Variants in MYH11 observed in about 807,000 individuals in gnomAD.
MYH11 encodes myosin-11.
In MYH11, 80 loss-of-function variants were observed where a neutral mutation model predicts 246.6. The observed-to-expected ratio is 0.32, with a 90% CI of 0.27 to 0.39. The LOEUF is 0.39. Among genes scored for constraint, MYH11 ranks in the 10% least tolerant of loss-of-function variants. The pLI, the probability that MYH11 is intolerant of heterozygous loss-of-function variation, is 1.00. For missense variants in MYH11, 2,158 were observed against 2,546.8 expected (o/e 0.85, Z 3.29); for synonymous variants, 1,071 against 1,015.5 (o/e 1.05, Z -1.04).
At chr16:15,784,017 T>C (rs181292607) in intron 5 of MYH11, among the ~76,000 whole-genome samples, 3 of 151,982 alleles carry the variant, frequency 2.0e-5, no homozygotes, top group Non-Finnish European at 2.9e-5. Context: ...CCAAGCTCTG[T>C]GTTAGAGATG....
intron 3 of MYH11, among the ~76,000 whole-genome samples, chr16:15,821,952 C>A (rs758816632): frequency 6.6e-6 from 1 of 151,966 alleles, no homozygotes; most frequent in African/African-American, 2.4e-5. Context: ...AGATACCTGA[C>A]TCCAGGAGCC....
At chr16:15,742,742 T>A (rs1445612989) in intron 20 of MYH11, among the ~76,000 whole-genome samples, 1 of 151,388 alleles carries the variant, frequency 6.6e-6, no homozygotes, top group Non-Finnish European at 1.5e-5. Flanking sequence ...ACAAATAAAA[T>A]TTTTTTAAAA....
rs539649775 is a variant in MYH11, at chr16:15,811,132, C to A, written c.502+12123G>T. 3.1e-4 allele frequency among the ~76,000 whole-genome samples: 47 copies of A among 152,238 alleles called. No individual in the cohort carries two copies. In the South Asian group the frequency reaches 9.5e-3, roughly 31 times the overall value. On this transcript the variant is annotated intron_variant, in intron 3 of 40. Transcript: ENST00000300036. The stretch of plus-strand genomic sequence containing the variant: ...CAGAGAGCTAGCAGGTCCCTTCCAC[C>A]ATGTGAGACACAGCGAGAAGGCAGC...
intron 27 of MYH11, among the ~76,000 whole-genome samples, chr16:15,729,155 G>C (rs2040885192): frequency 6.6e-6 from 1 of 151,886 alleles, no homozygotes; most frequent in South Asian, 2.1e-4. Context: ...GTGAAGCGGG[G>C]ACCCTAGGGG....
intron 3 of MYH11, among the ~76,000 whole-genome samples, chr16:15,821,554 T>C (rs1382499852): frequency 6.6e-6 from 1 of 152,148 alleles, no homozygotes; most frequent in African/African-American, 2.4e-5. Flanking sequence ...TCCTTCTCCT[T>C]TGCTAACAGA....
intron 7 of MYH11, among the ~76,000 whole-genome samples, chr16:15,776,879 G>T (rs72772049): frequency 0.044 from 6,704 of 152,230 alleles, 208 homozygotes; most frequent in Middle Eastern, 0.085. Context: ...CACAGGGTCC[G>T]GGGTGATGGG....
At chr16:15,727,098 C>A in intron 27 of MYH11, 44 bp from the exon 28 acceptor site, 1 of 1,593,792 alleles carries the variant, frequency 6.3e-7, no homozygotes. Context: ...GAGGCTGTGG[C>A]CGGGAGAACG....
rs1376881641 is a variant in MYH11, at chr16:15,724,350, C to T, written c.4176G>A (p.Glu1392=). The T allele has an allele frequency of 3.7e-6, 6 of 1,614,038 alleles. No individual in the cohort carries two copies. The highest frequency in any genetic ancestry group is 5.1e-6 in the Non-Finnish European group (6 of 1,180,030). ...TCTCCTTCTGGAACCTCTTCTTCCC[C>T]TCTTCCAGAGCTTCCACGGTGCTGG... ...DFASTVEALE[E]GKKRFQKEIE... is the part of the protein sequence containing the mutation. Residue 1392 remains glutamate, a synonymous_variant, in exon 31 of 41, where the codon GAG becomes GAA. Coordinates refer to ENST00000300036, the MANE Select transcript of MYH11 (RefSeq NM_002474.3).
intron 3 of MYH11, among the ~76,000 whole-genome samples, chr16:15,800,842 C>T (rs1320854555): frequency 6.6e-6 from 1 of 152,008 alleles, no homozygotes. Context: ...ACGAAATCCT[C>T]AAGACAAAAG....
chr16:15,852,378 G>A (rs919269187), intron 1 of MYH11, among the ~76,000 whole-genome samples: 1 of 141,012 alleles, frequency 7.1e-6, no homozygotes, highest in African/African-American at 2.7e-5. Flanking sequence ...CTTTGCCCAG[G>A]CTGGAGTGCA....
At position 15,703,514 on chromosome 16, in the gene MYH11, T is replaced by C. The variant is rs2039295141; in HGVS notation, c.*477A>G. On this transcript the variant is annotated 3_prime_UTR_variant, in exon 41 of 41. Transcript: ENST00000300036. ...TTGATAGAACTGGAGGATGTGTCTG[T>C]GTTTCCTGTTGGGTTTTTCTCATCT... 3.4e-6 allele frequency: 1 copy of C among 291,974 alleles called. No homozygotes were observed. The highest frequency in any genetic ancestry group is 4.9e-5 in the East Asian group (1 of 20,410). 18.1% of individuals were successfully genotyped at this position (291,974 alleles called of 1,614,324 possible).
At chr16:15,829,899 C>T (rs569345044) in intron 2 of MYH11, among the ~76,000 whole-genome samples, 2 of 152,274 alleles carry the variant, frequency 1.3e-5, no homozygotes, top group Admixed American at 6.5e-5. Flanking sequence ...CTTTGGGAGG[C>T]CAAGGTGGGT....
At chr16:15,763,741 T>TGGGCCCCC in intron 10 of MYH11, 55 bp downstream of exon 10, 4 of 646,838 alleles carry the variant, frequency 6.2e-6, no homozygotes, top group East Asian at 3.2e-5. Context: ...AAATGTCACC[T>TGGGCCCCC]CCCCCACCCC....
chr16:15,738,065 C>T (rs563783275), intron 24 of MYH11, among the ~76,000 whole-genome samples: 4 of 151,950 alleles, frequency 2.6e-5, no homozygotes, highest in South Asian at 4.2e-4. Flanking sequence ...GGATTACAGG[C>T]GAGAGCCACC....
chr16:15,719,532 G>T, intron 35 of MYH11, 53 bp downstream of exon 35: 1 of 1,611,780 alleles, frequency 6.2e-7, no homozygotes, highest in Non-Finnish European at 8.5e-7. Flanking sequence ...GCTGCCAAGG[G>T]GTGCTACCGT....
chr16:15,779,109 A>G, intron 6 of MYH11: 4 of 584,230 alleles, frequency 6.8e-6, no homozygotes, highest in South Asian at 4.0e-5. Flanking sequence ...GTAGTCCATC[A>G]TGGCTATCCC....
rs2043954401 is a variant in MYH11 at position 15,838,155 on chromosome 16, T to C, written c.98A>G (p.Lys33Arg). The change falls in exon 2 of 41, where the codon AAG becomes AGG. Residue 33 changes from lysine (K) to arginine (R), a missense_variant. Physicochemically the swap from Lys to Arg is conservative, Grantham distance 26 (BLOSUM62 2). Around this residue, in one of 11 missense-constraint regions of MYH11, gnomAD observed 96 missense variants for 91.9 expected, o/e 1.04. Transcript: ENST00000300036. The part of the protein sequence containing the change: ...SPVAQADWAA[K>R]RLVWVPSEKQ... The stretch of plus-strand genomic sequence containing the variant: ...CTCCGAGGGGACCCAGACGAGTCTC[T>C]TGGCGGCCCAGTCAGCCTGGGCCAC... 1.9e-6 allele frequency: 3 copies of C among 1,613,988 alleles called. No individual in the cohort carries two copies. Among genetic ancestry groups the C allele is most frequent in the Admixed American group, 3.3e-5 (2 of 59,982 alleles).
At chr16:15,730,809 A>C (rs1262733265) in intron 27 of MYH11, among the ~76,000 whole-genome samples, 1 of 152,162 alleles carries the variant, frequency 6.6e-6, no homozygotes, top group African/African-American at 2.4e-5. Flanking sequence ...AAGCACAGGC[A>C]CTACCCCAAA....
At chr16:15,774,956 G>A (rs1029376405) in intron 8 of MYH11, among the ~76,000 whole-genome samples, 8 of 152,256 alleles carry the variant, frequency 5.3e-5, no homozygotes, top group South Asian at 2.1e-4. Flanking sequence ...CCGACACAGC[G>A]AAGTTCTGAG....
Sources: allele counts gnomAD v4.1 joint callset (sites outside exome capture counted in the v4.1 genomes callset), GRCh38; gene constraint gnomAD v4.1.1; regional missense constraint gnomAD v4.1.1; transcripts MANE v1.5; gene names NCBI Gene and HGNC (gene_info 2026-07-23, HGNC 2026-07-21).